Variants in AGBL1 observed in about 807,000 individuals in gnomAD.
The protein encoded by AGBL1 is AGBL carboxypeptidase 1.
Under a neutral mutation model 118.9 loss-of-function variants are expected in AGBL1, and 130 were observed. The ratio of observed to expected loss-of-function variants is 1.09; its 90% CI spans 0.95 to 1.26. AGBL1 has a LOEUF of 1.26. Ranked by LOEUF, AGBL1 falls within the 50% of genes most tolerant of loss-of-function variation. The pLI is 0.00. For synonymous variants in AGBL1, 555 were observed against 478.9 expected, an observed-to-expected ratio of 1.16 and a Z score of -2.08; for missense variants, 1,584 against 1,298.1, an observed-to-expected ratio of 1.22 and a Z score of -3.38.
At chr15:86,658,145 G>A (rs1168855093) in intron 21 of AGBL1, among the ~76,000 whole-genome samples, 1 of 152,000 alleles carries the variant, frequency 6.6e-6, no homozygotes, top group African/African-American at 2.4e-5. Context: ...ATCCAGGTTG[G>A]GTTGGATTCC....
intron 21 of AGBL1, among the ~76,000 whole-genome samples, chr15:86,647,147 T>C (rs2085294089): frequency 6.6e-6 from 1 of 152,150 alleles, no homozygotes; most frequent in African/African-American, 2.4e-5. Context: ...TCAACCATAT[T>C]TGAGCTAGAA....
At chr15:86,549,924 G>A (rs1054259458) in intron 20 of AGBL1, among the ~76,000 whole-genome samples, 16 of 150,788 alleles carry the variant, frequency 1.1e-4, no homozygotes, top group Non-Finnish European at 2.1e-4. Flanking sequence ...AAGGAAGGAA[G>A]GAGATAGTGT....
At chr15:86,439,269 A>G (rs1323705510) in intron 18 of AGBL1, among the ~76,000 whole-genome samples, 2 of 152,180 alleles carry the variant, frequency 1.3e-5, no homozygotes, top group African/African-American at 4.8e-5. Context: ...GTTGAAACTA[A>G]TTTAAAAATC....
At position 86,721,466 on chromosome 15, in the gene AGBL1, C is replaced by G. The variant is rs565610970; in HGVS notation, c.3158+47030C>G. ...ATTCAACAACGCTTCATGCTAAAAA[C>G]TCTCAATAAATTAGGTATTGATGGA... On this transcript the variant is annotated intron_variant, in intron 22 of 22. Transcript: ENST00000614907. Among the ~76,000 whole-genome samples, 299 of 152,274 alleles carry G rather than the reference C, an allele frequency of 2.0e-3. 2 individuals are homozygous for G. Among genetic ancestry groups the G allele is most frequent in the African/African-American group, 7.0e-3 (289 of 41,552 alleles).
chr15:86,857,112 T>C (rs1237909143), intron 22 of AGBL1, among the ~76,000 whole-genome samples: 1 of 152,168 alleles, frequency 6.6e-6, no homozygotes, highest in African/African-American at 2.4e-5. Context: ...TTCTGTACGT[T>C]TTATGTGCTT....
chr15:86,224,146 T>TA (rs1567137839), intron 5 of AGBL1, among the ~76,000 whole-genome samples: 1 of 152,076 alleles, frequency 6.6e-6, no homozygotes, highest in Non-Finnish European at 1.5e-5. Context: ...TCTATTTTTT[T>TA]AAAAAAGCAA....
chr15:86,549,882 AGTG>A (rs2083641094), intron 20 of AGBL1, among the ~76,000 whole-genome samples: 1 of 58,360 alleles, frequency 1.7e-5, no homozygotes, highest in African/African-American at 6.5e-5. Flanking sequence ...TGGGGAGGGG[AGTG>A]GAGGGAGGGA....
intron 18 of AGBL1, among the ~76,000 whole-genome samples, chr15:86,415,705 C>T (rs1296887630): frequency 6.6e-6 from 1 of 152,068 alleles, no homozygotes; most frequent in Non-Finnish European, 1.5e-5. Flanking sequence ...CTGAATGTTT[C>T]CTGGTATGTC....
chr15:86,162,286 G>T (rs1408053025), intron 5 of AGBL1, among the ~76,000 whole-genome samples: 1 of 152,146 alleles, frequency 6.6e-6, no homozygotes, highest in Admixed American at 6.5e-5. Flanking sequence ...AGTTATTCCG[G>T]GATGCCTTTG....
At chr15:87,028,415 A>T (rs2081755406) in intron 24 of AGBL1, among the ~76,000 whole-genome samples, 1 of 151,976 alleles carries the variant, frequency 6.6e-6, no homozygotes, top group South Asian at 2.1e-4. Context: ...GGCCAATTTC[A>T]TATAGAACTT....
intron 17 of AGBL1, among the ~76,000 whole-genome samples, chr15:86,327,846 T>C (rs1225050957): frequency 1.3e-5 from 2 of 152,160 alleles, no homozygotes; most frequent in Non-Finnish European, 2.9e-5. Context: ...CCCACTCTAA[T>C]GATATGAGGA....
At chr15:86,246,080 T>C (rs2078715803) in intron 6 of AGBL1, among the ~76,000 whole-genome samples, 1 of 152,118 alleles carries the variant, frequency 6.6e-6, no homozygotes, top group Non-Finnish European at 1.5e-5. Flanking sequence ...GATGGGGTTT[T>C]ACTATGTTAC....
intron 1 of AGBL1, among the ~76,000 whole-genome samples, chr15:86,138,085 G>T (rs993569269): frequency 6.6e-6 from 1 of 152,072 alleles, no homozygotes; most frequent in Admixed American, 6.6e-5. Context: ...TACAGCTCGT[G>T]AGGTGGGAAT....
intron 17 of AGBL1, among the ~76,000 whole-genome samples, chr15:86,338,369 G>C (rs781748703): frequency 6.6e-6 from 1 of 152,152 alleles, no homozygotes; most frequent in Non-Finnish European, 1.5e-5. Context: ...GAGAGGTGAC[G>C]AGGGCAGTTT....
intron 1 of AGBL1, among the ~76,000 whole-genome samples, chr15:86,115,494 A>T (rs1897697040): frequency 6.6e-6 from 1 of 152,180 alleles, no homozygotes; most frequent in South Asian, 2.1e-4. Context: ...CTGTTGTTTG[A>T]AAAGAAGGGC....
intron 22 of AGBL1, among the ~76,000 whole-genome samples, chr15:86,754,283 A>G (rs2077900633): frequency 6.6e-6 from 1 of 152,114 alleles, no homozygotes; most frequent in African/African-American, 2.4e-5. Flanking sequence ...TCATGCAGAT[A>G]TATCTTGCTT....
chr15:86,177,670 A>G (rs991374876), intron 5 of AGBL1, among the ~76,000 whole-genome samples: 2 of 152,222 alleles, frequency 1.3e-5, no homozygotes, highest in African/African-American at 4.8e-5. Flanking sequence ...TTTGAAAATT[A>G]AATAATGTAC....
At chr15:86,123,241 T>G (rs1025984584) in intron 1 of AGBL1, among the ~76,000 whole-genome samples, 6 of 152,224 alleles carry the variant, frequency 3.9e-5, no homozygotes, top group African/African-American at 1.4e-4. Flanking sequence ...TTGTCTTTTT[T>G]TTGTTGTTGT....
intron 21 of AGBL1, among the ~76,000 whole-genome samples, chr15:86,560,348 T>C (rs1450785237): frequency 6.7e-6 from 1 of 148,544 alleles, no homozygotes; most frequent in East Asian, 2.1e-4. Flanking sequence ...GTCCAAGTGT[T>C]CTCATTGTTC....
Sources: gnomAD v4.1 joint callset for allele counts (sites outside exome capture counted in the v4.1 genomes callset) on GRCh38, gnomAD v4.1.1 for gene constraint, MANE v1.5 for transcripts, NCBI Gene and HGNC (gene_info 2026-07-23, HGNC 2026-07-21) for gene names.